The following WFDC5 variants were observed in gnomAD, a reference collection of about 807,000 sequenced individuals.
WFDC5 encodes WAP four-disulfide core domain 5, also known as WAP four-disulfide core domain protein 5.
WFDC5 carries 15 observed loss-of-function variants against 15.7 expected under a neutral mutation model. The observed-to-expected ratio is 0.96, with a 90% CI of 0.64 to 1.47. The LOEUF is 1.47. Among genes scored for constraint, WFDC5 ranks in the 40% most tolerant of loss-of-function variants. The probability of loss-of-function intolerance (pLI) is 0.00; values close to 1 mark genes in which losing one functional copy is unlikely to be tolerated. For missense variants in WFDC5, 280 were observed against 258.0 expected, an observed-to-expected ratio of 1.09 and a Z score of -0.59; for synonymous variants, 109 against 107.7, an observed-to-expected ratio of 1.01 and a Z score of -0.07.
intron 1 of WFDC5, among the ~76,000 whole-genome samples, chr20:45,112,634 C>T (rs964903736): frequency 6.6e-6 from 1 of 152,094 alleles, no homozygotes; most frequent in East Asian, 1.9e-4. Context: ...GCAAAAGAAT[C>T]GTATCCAAAC....
At chr20:45,111,742 C>T (rs1256508722) in intron 1 of WFDC5, among the ~76,000 whole-genome samples, 2 of 152,142 alleles carry the variant, frequency 1.3e-5, no homozygotes, top group Admixed American at 6.5e-5. Flanking sequence ...GTATCCTCCT[C>T]CATGTAGAGG....
At chr20:45,110,234 T>C in intron 3 of WFDC5, 166 bp downstream of exon 3, 2 of 1,307,814 alleles carry the variant, frequency 1.5e-6, no homozygotes, top group Non-Finnish European at 2.1e-6. Context: ...CCGGGTCCTC[T>C]GTCATCCTAG....
exon 4 of WFDC5, chr20:45,109,658 G>A: frequency 1.5e-6 from 1 of 676,492 alleles, no homozygotes; most frequent in Admixed American, 2.1e-5. Flanking sequence ...GGCTGCCTGA[G>A]GGAGAGGTCA....
intron 1 of WFDC5, among the ~76,000 whole-genome samples, chr20:45,111,599 G>A (rs1981623557): frequency 6.6e-6 from 1 of 152,226 alleles, no homozygotes; most frequent in South Asian, 2.1e-4. Flanking sequence ...ATGGTTTCGA[G>A]GATCAGGCGT....
intron 1 of WFDC5, 68 bp downstream of exon 1, chr20:45,114,931 A>G: frequency 6.4e-7 from 1 of 1,563,798 alleles, no homozygotes; most frequent in Non-Finnish European, 8.7e-7. Flanking sequence ...CCTTCCCCCA[A>G]ACCCTTACTC....
At chr20:45,114,175 C>T (rs1981694329) in intron 1 of WFDC5, among the ~76,000 whole-genome samples, 1 of 152,220 alleles carries the variant, frequency 6.6e-6, no homozygotes, top group Non-Finnish European at 1.5e-5. Flanking sequence ...CAGTGTACTT[C>T]CTTCCTCAGC....
intron 1 of WFDC5, among the ~76,000 whole-genome samples, chr20:45,111,619 C>T (rs1981624202): frequency 6.6e-6 from 1 of 152,216 alleles, no homozygotes; most frequent in Admixed American, 6.5e-5. Context: ...TTAACTCTGT[C>T]TCTGAGGCGT....
At chr20:45,109,606 A>G (rs1008199310) in exon 4 of WFDC5, 41 of 625,266 alleles carry the variant, frequency 6.6e-5, no homozygotes, top group Non-Finnish European at 1.1e-4. Flanking sequence ...TGAATGACTG[A>G]TGTTTGGAAA....
At position 45,111,103 on chromosome 20, in the gene WFDC5, A is replaced by C. The variant is rs1981604366; in HGVS notation, c.86-328T>G. On this transcript the variant is annotated intron_variant, in intron 1 of 3. Coordinates refer to ENST00000307971, the Ensembl canonical transcript of WFDC5. ...CCCATCCTCTACTGCCCTCCCACTCAGTGCCTCCTGATCTGCTCCAAGCCA... is the reference window on the plus strand; with the variant it reads ...CCCATCCTCTACTGCCCTCCCACTCCGTGCCTCCTGATCTGCTCCAAGCCA... 3.9e-5 allele frequency among the ~76,000 whole-genome samples: 6 copies of C among 152,088 alleles called. 1 individual carries two copies. The highest frequency in any genetic ancestry group is 3.9e-4 in the Admixed American group (6 of 15,274).
At chr20:45,114,891 G>GCA in intron 1 of WFDC5, 108 bp downstream of exon 1, 4 of 1,063,046 alleles carry the variant, frequency 3.8e-6, no homozygotes, top group Non-Finnish European at 5.4e-6. Context: ...ACACACACAC[G>GCA]CGCACACACA....
chr20:45,109,716 G>T, exon 4 of WFDC5: 1 of 715,710 alleles, frequency 1.4e-6, no homozygotes, highest in Non-Finnish European at 2.6e-6. Flanking sequence ...AGCATGTACG[G>T]ATTGGTGTGA....
In WFDC5 at chr20:45,109,969, TC is replaced by T; in HGVS notation, c.437del (p.Gly146AspfsTer56). 1 of 1,614,096 alleles carries T rather than the reference TC, an allele frequency of 6.2e-7. No individual in the cohort carries two copies. The highest frequency in any genetic ancestry group is 8.5e-7 in the Non-Finnish European group (1 of 1,179,982). On this transcript the variant is annotated frameshift_variant, in exon 4 of 4. Coordinates refer to ENST00000307971, the Ensembl canonical transcript of WFDC5. LOFTEE classifies it low-confidence loss of function (END_TRUNC). Reference sequence around the variant, plus strand: ...TCCCATCGTGAACTCTTTCCGTTGGTCCCCAGCTTAGGTGCAGAGCCACAGA... The same window carrying T: ...TCCCATCGTGAACTCTTTCCGTTGGTCCCAGCTTAGGTGCAGAGCCACAGA...
At chr20:45,110,712 A>C (rs1388335356) in exon 2 of WFDC5, 1 of 1,614,186 alleles carries the variant, frequency 6.2e-7, no homozygotes, top group Non-Finnish European at 8.5e-7. Flanking sequence ...GCTGTCTTCC[A>C]CGCACTGGTC....
chr20:45,116,013 G>A (rs751919682), upstream of WFDC5, among the ~76,000 whole-genome samples: 1 of 152,212 alleles, frequency 6.6e-6, no homozygotes, highest in Non-Finnish European at 1.5e-5. Flanking sequence ...AGAGATGAGA[G>A]GGGACTGGCC....
At chr20:45,113,641 G>C (rs1054416055) in intron 1 of WFDC5, among the ~76,000 whole-genome samples, 5 of 152,208 alleles carry the variant, frequency 3.3e-5, no homozygotes, top group African/African-American at 1.2e-4. Context: ...GACCTGTCCT[G>C]TTGCCTTCCA....
intron 1 of WFDC5, among the ~76,000 whole-genome samples, chr20:45,111,260 C>T (rs1981609525): frequency 6.6e-6 from 1 of 151,774 alleles, no homozygotes; most frequent in Non-Finnish European, 1.5e-5. Flanking sequence ...CTTCTCTGAC[C>T]CCACATTAAC....
At chr20:45,110,673 T>G (rs916465482) in exon 2 of WFDC5, 15 of 1,613,986 alleles carry the variant, frequency 9.3e-6, no homozygotes, top group African/African-American at 2.7e-5. Context: ...GCAAGCTCTG[T>G]AGCAGCACTT....
exon 4 of WFDC5, chr20:45,109,788 G>A (rs150516709): frequency 4.1e-6 from 3 of 729,992 alleles, no homozygotes; most frequent in South Asian, 2.9e-5. Flanking sequence ...GTGATACAGA[G>A]GCCTTCCTCC....
At chr20:45,112,814 C>T (rs1394708037) in intron 1 of WFDC5, among the ~76,000 whole-genome samples, 2 of 152,090 alleles carry the variant, frequency 1.3e-5, no homozygotes, top group Admixed American at 1.3e-4. Flanking sequence ...ACTTAATACA[C>T]ACATATATAC....
Sources: allele counts gnomAD v4.1 joint callset (sites outside exome capture counted in the v4.1 genomes callset), GRCh38; gene constraint gnomAD v4.1.1; transcripts MANE v1.5; gene names NCBI Gene and HGNC (gene_info 2026-07-23, HGNC 2026-07-21).